ADGRE1: variants seen among roughly 807,000 people sequenced by gnomAD.
ADGRE1 encodes adhesion G protein-coupled receptor E1.
ADGRE1 carries 82 observed loss-of-function variants against 102.7 expected under a neutral mutation model. That is an observed-to-expected ratio of 0.80 (90% confidence interval 0.67 to 0.96). The LOEUF (loss-of-function observed/expected upper bound fraction) is 0.96, where lower values mean the gene tolerates loss of function less well. ADGRE1 is among the 40% of genes least tolerant of loss of function. The pLI is 0.00. For missense variants in ADGRE1, 1,032 were observed against 1,085.3 expected (o/e 0.95, Z 0.69); for synonymous variants, 398 against 399.6 (o/e 1.00, Z 0.05).
At chr19:6,905,352 T>G (rs1973914942) in intron 8 of ADGRE1, among the ~76,000 whole-genome samples, 1 of 116,042 alleles carries the variant, frequency 8.6e-6, no homozygotes, top group African/African-American at 4.9e-5. Context: ...TGTCTTTTGT[T>G]TTTTTTTCTT....
At position 6,937,593 on chromosome 19, in the gene ADGRE1, C is replaced by T. The variant is rs969472572; in HGVS notation, c.2600C>T (p.Ser867Phe). The T allele has an allele frequency of 2.5e-6, 4 of 1,614,018 alleles. No homozygotes were observed. The highest frequency in any genetic ancestry group is 2.7e-5 in the African/African-American group (2 of 74,896). The change falls in exon 20 of 21, where the codon TCC becomes TTC. Residue 867 changes from serine to phenylalanine, a missense_variant. Physicochemically the swap from Ser to Phe is radical, Grantham distance 155. Coordinates refer to ENST00000312053, the MANE Select transcript of ADGRE1 (RefSeq NM_001974.5). ...RWITGKTKPSSQSQTSRILLS... is the reference protein window; with the variant it reads ...RWITGKTKPSFQSQTSRILLS... ...ATCACTGGGAAGACGAAGCCCAGCT[C>T]CCAGTCCCAGACCTCAAGGATCTTG...
intron 5 of ADGRE1, chr19:6,897,947 TTCC>T (rs1336694043): frequency 1.1e-5 from 2 of 182,408 alleles, no homozygotes; most frequent in East Asian, 3.0e-4. Flanking sequence ...CCTTCCTTCC[TTCC>T]TTCCTTCCTT....
intron 2 of ADGRE1, among the ~76,000 whole-genome samples, chr19:6,894,307 G>T (rs1973476499): frequency 1.3e-5 from 2 of 152,110 alleles, no homozygotes; most frequent in Admixed American, 1.3e-4. Flanking sequence ...CTGTGGTCTT[G>T]TCCTTTTGAA....
chr19:6,926,541 C>A lies in ADGRE1; in HGVS notation c.2162C>A (p.Pro721Gln), dbSNP rs143015514. The change falls in exon 16 of 21, where the codon CCG becomes CAG. Residue 721 changes from proline to glutamine, a missense_variant. Pro to Gln is a moderately conservative substitution (Grantham distance 76). Coordinates refer to ENST00000312053, the MANE Select transcript of ADGRE1 (RefSeq NM_001974.5). ...ATCTGTGCCTTTGGTTATGGGCTGC[C>A]GATGCTGGTGGTGGTGATCTCTGCC... The part of the protein sequence containing the change: ...LHICAFGYGL[P>Q]MLVVVISASV... 1 of 1,614,132 alleles carries A rather than the reference C, an allele frequency of 6.2e-7. No homozygotes were observed. The highest frequency in any genetic ancestry group is 1.3e-5 in the African/African-American group (1 of 75,020).
intron 17 of ADGRE1, among the ~76,000 whole-genome samples, chr19:6,933,181 A>G (rs955890861): frequency 3.3e-5 from 5 of 152,152 alleles, no homozygotes; most frequent in African/African-American, 7.2e-5. Flanking sequence ...AGGTTGCGCC[A>G]TTGCACTCCA....
chr19:6,913,939 T>TA, intron 11 of ADGRE1, 109 bp downstream of exon 11: 1 of 1,256,836 alleles, frequency 8.0e-7, no homozygotes, highest in Non-Finnish European at 1.1e-6. Context: ...CCCAACTGTT[T>TA]AAAAACTTTG....
intron 17 of ADGRE1, among the ~76,000 whole-genome samples, chr19:6,934,764 A>ATTTTTTT (rs371829373): frequency 2.0e-3 from 272 of 136,804 alleles, no homozygotes; most frequent in Middle Eastern, 7.7e-3. Context: ...TGCATGGCTA[A>ATTTTTTT]TTTTTTTTTT....
intron 17 of ADGRE1, among the ~76,000 whole-genome samples, chr19:6,932,095 C>G (rs1027956544): frequency 2.6e-5 from 4 of 152,170 alleles, no homozygotes; most frequent in Admixed American, 2.6e-4. Flanking sequence ...GTTGGATGGG[C>G]AAGCCCTAGG....
chr19:6,901,883 G>A lies in ADGRE1; in HGVS notation c.523G>A (p.Glu175Lys). The stretch of plus-strand genomic sequence containing the variant: ...TCTCTTCCACTCTTCAGACGTGGAT[G>A]AATGTGCAGATCCAAGAGCTTGCCC... Reference protein sequence around the residue: ...SRNSTCEDVDECADPRACPEH... With the variant: ...SRNSTCEDVDKCADPRACPEH... The change falls in exon 6 of 21, where the codon GAA becomes AAA. Residue 175 changes from glutamate to lysine, a missense_variant. Physicochemically the swap from Glu to Lys is moderately conservative, Grantham distance 56 (BLOSUM62 1). Transcript: ENST00000312053. 1 of 1,614,164 alleles carries A rather than the reference G, an allele frequency of 6.2e-7. No homozygotes were observed. Among genetic ancestry groups the A allele is most frequent in the Non-Finnish European group, 8.5e-7 (1 of 1,180,008 alleles).
At chr19:6,906,037 A>G (rs1207416345) in intron 8 of ADGRE1, among the ~76,000 whole-genome samples, 2 of 152,206 alleles carry the variant, frequency 1.3e-5, no homozygotes, top group African/African-American at 4.8e-5. Context: ...ATATCATACT[A>G]CATATGACTA....
intron 3 of ADGRE1, 85 bp downstream of exon 3, chr19:6,896,626 C>A: frequency 6.8e-7 from 1 of 1,463,722 alleles, no homozygotes; most frequent in Non-Finnish European, 9.2e-7. Flanking sequence ...AGGTACTCCC[C>A]CACCCCCCAT....
intron 12 of ADGRE1, 99 bp downstream of exon 12, chr19:6,916,467 G>A (rs1974388492): frequency 1.4e-6 from 2 of 1,463,948 alleles, no homozygotes; most frequent in Admixed American, 2.3e-5. Context: ...AGATAGTTGA[G>A]AACCAATGAG....
At chr19:6,905,630 T>G (rs1422477412) in intron 8 of ADGRE1, among the ~76,000 whole-genome samples, 2 of 152,046 alleles carry the variant, frequency 1.3e-5, no homozygotes, top group African/African-American at 2.4e-5. Flanking sequence ...GGATTACAGG[T>G]GTGAGCCACC....
In ADGRE1 at chr19:6,897,164, C is replaced by G. The variant is rs566828151; in HGVS notation, c.254C>G (p.Ser85Cys). 1.3e-5 allele frequency: 20 copies of G among 1,558,534 alleles called. No individual in the cohort carries two copies. In the East Asian group the frequency reaches 1.7e-4, roughly 13 times the overall value. Reference sequence around the variant, plus strand: ...CTCTGTCTAGATATTGATGAATGTTCTCAAAGCCCCCAGCCCTGTGGTCCT... The same window carrying G: ...CTCTGTCTAGATATTGATGAATGTTGTCAAAGCCCCCAGCCCTGTGGTCCT... ...GVRCKDIDEC[S>C]QSPQPCGPNS... The change falls in exon 4 of 21, where the codon TCT (serine) becomes TGT (cysteine). Residue 85 changes from serine to cysteine, a missense_variant. By Grantham distance (112) the Ser-to-Cys change is moderately radical. Transcript: ENST00000312053.
Position 6,919,573 on chromosome 19 carries a change from C to A in ADGRE1, c.1446C>A (p.Ser482=). The A allele has an allele frequency of 6.2e-7, 1 of 1,610,710 alleles. No homozygotes were observed. Among genetic ancestry groups the A allele is most frequent in the Non-Finnish European group, 8.5e-7 (1 of 1,178,636 alleles). Residue 482 remains serine, a synonymous_variant, in exon 13 of 21, where the codon TCC becomes TCA. Coordinates refer to ENST00000312053, the MANE Select transcript of ADGRE1 (RefSeq NM_001974.5). ...AGACCACTGGTGTGGCTTTTGTCTC[C>A]TTTGTGGGCATGGAATCGGTTTTAA... ...STETTGVAFV[S]FVGMESVLNE...
At chr19:6,917,855 A>T in intron 12 of ADGRE1, among the ~76,000 whole-genome samples, 1 of 151,950 alleles carries the variant, frequency 6.6e-6, no homozygotes. Context: ...TGATCTGATT[A>T]TGTCTTCCAG....
intron 2 of ADGRE1, among the ~76,000 whole-genome samples, chr19:6,892,685 C>T (rs1883182877): frequency 6.6e-6 from 1 of 152,194 alleles, no homozygotes; most frequent in African/African-American, 2.4e-5. Flanking sequence ...CCACTATTCA[C>T]AATAGTCAAG....
chr19:6,889,220 A>G (rs980861416), intron 1 of ADGRE1, among the ~76,000 whole-genome samples: 2 of 151,478 alleles, frequency 1.3e-5, no homozygotes, highest in African/African-American at 4.8e-5. Flanking sequence ...GATGATGATG[A>G]TGGTGGTGAT....
rs143381239 is a variant in ADGRE1 at position 6,890,599 on chromosome 19, C to G, written c.94+56C>G. ...GAAGGGGTAGAGAAAGTTTTCTCCC[C>G]GGGGAAACATCCCAGGAAGCTGAGC... On this transcript the variant is annotated intron_variant, in intron 2 of 20. Coordinates refer to ENST00000312053, the MANE Select transcript of ADGRE1 (RefSeq NM_001974.5). 29 of 1,562,014 alleles carry G rather than the reference C, an allele frequency of 1.9e-5. No individual in the cohort carries two copies. In the Middle Eastern group the frequency reaches 5.1e-4, roughly 28 times the overall value.
Sources: gnomAD v4.1 joint callset for allele counts (sites outside exome capture counted in the v4.1 genomes callset) on GRCh38, gnomAD v4.1.1 for gene constraint, MANE v1.5 for transcripts, NCBI Gene and HGNC (gene_info 2026-07-23, HGNC 2026-07-21) for gene names.